PRKN: variants seen among roughly 807,000 people sequenced by gnomAD.
PRKN encodes the protein parkin RBR E3 ubiquitin protein ligase, also known as E3 ubiquitin-protein ligase parkin.
In PRKN, 56 loss-of-function variants were observed where a neutral mutation model predicts 59.5. The ratio of observed to expected loss-of-function variants is 0.94; its 90% CI spans 0.76 to 1.18. PRKN has a LOEUF of 1.18. PRKN is among the 50% of genes most tolerant of loss of function. PRKN has a pLI of 0.00. For synonymous variants in PRKN, 250 were observed against 222.1 expected, an observed-to-expected ratio of 1.13 and a Z score of -1.12; for missense variants, 657 against 596.4, an observed-to-expected ratio of 1.10 and a Z score of -1.06.
rs563191545 is a variant in PRKN, at chr6:161,788,572, G to A, written c.735-2664C>T. Among the ~76,000 whole-genome samples the A allele has an allele frequency of 5.9e-5, 9 of 152,284 alleles. No individual in the cohort carries two copies. In the East Asian group the frequency reaches 1.5e-3, roughly 26 times the overall value. ...CAGGCCACCTCAACCTCCTTGAACT[G>A]AGGATGTCTACCTTGAATAAAAAAT... is the stretch of plus-strand genomic sequence containing the variant. On this transcript the variant is annotated intron_variant, in intron 6 of 11. Coordinates refer to ENST00000366898, the MANE Select transcript of PRKN (RefSeq NM_004562.3).
At chr6:162,384,987 T>C (rs932182870) in intron 2 of PRKN, among the ~76,000 whole-genome samples, 5 of 152,200 alleles carry the variant, frequency 3.3e-5, no homozygotes, top group Non-Finnish European at 5.9e-5. Context: ...CCTATGTTTA[T>C]ATCACAGTAA....
At chr6:161,790,646 A>C (rs1790601901) in intron 6 of PRKN, among the ~76,000 whole-genome samples, 1 of 152,188 alleles carries the variant, frequency 6.6e-6, no homozygotes, top group African/African-American at 2.4e-5. Context: ...TCTATGAACC[A>C]GGAAGTGGGG....
At chr6:161,623,976 T>G (rs1295014628) in intron 7 of PRKN, among the ~76,000 whole-genome samples, 1 of 152,220 alleles carries the variant, frequency 6.6e-6, no homozygotes, top group East Asian at 1.9e-4. Context: ...ACACAACACA[T>G]TAATTTTTCA....
chr6:162,713,866 AG>A, intron 1 of PRKN, among the ~76,000 whole-genome samples: 1 of 152,354 alleles, frequency 6.6e-6, no homozygotes, highest in Middle Eastern at 3.4e-3. Flanking sequence ...CAGATATCAA[AG>A]GCAAATCAGT....
rs1038761535 is a variant in PRKN at position 162,318,913 on chromosome 6, T to C, written c.172-56148A>G. ...AAAAAGAAACTTAAAAATCCAAATA[T>C]AGAATAAACGGTTAAGTGTATTACG... On this transcript the variant is annotated intron_variant, in intron 2 of 11. Transcript: ENST00000366898. 5.3e-5 allele frequency among the ~76,000 whole-genome samples: 8 copies of C among 152,114 alleles called. No homozygotes were observed. In the East Asian group the frequency reaches 9.7e-4, roughly 19 times the overall value.
Position 161,372,825 on chromosome 6 carries a change from ATTTTTT to A in PRKN, c.1168-12626_1168-12621del, listed in dbSNP as rs11293379. 3.1e-4 allele frequency among the ~76,000 whole-genome samples: 36 copies of A among 114,422 alleles called. No homozygotes were observed. The highest frequency in any genetic ancestry group is 5.2e-3 in the Middle Eastern group (1 of 192). 75.1% of individuals were successfully genotyped at this position (114,422 alleles called of 152,430 possible). On this transcript the variant is annotated intron_variant, in intron 10 of 11. Coordinates refer to ENST00000366898, the MANE Select transcript of PRKN (RefSeq NM_004562.3). The surrounding 1 kb of genome is among the most constrained non-coding windows in gnomAD (Gnocchi z 4.2). ...TGGTCAACAAAGACAGAGAGACCCT[ATTTTTT>A]TTTTTTTTTTTTTTTTGAGACAGGG... is the stretch of plus-strand genomic sequence containing the variant.
rs535562652 is a variant in PRKN, at chr6:161,428,873, G to A, written c.1084-41996C>T. ...GCCACCCTGCCAGTGTTTCAAGCAG[G>A]CCTCTATCATGTGCTGACCTATGGC... On this transcript the variant is annotated intron_variant, in intron 9 of 11. Transcript: ENST00000366898. The surrounding 1 kb of genome is among the most constrained non-coding windows in gnomAD (Gnocchi z 4.0). Among the ~76,000 whole-genome samples the A allele has an allele frequency of 3.4e-4, 52 of 152,278 alleles. No individual in the cohort carries two copies. In the Middle Eastern group the frequency reaches 0.01, roughly 30 times the overall value.
chr6:162,614,656 C>A (rs1415609525), intron 1 of PRKN, among the ~76,000 whole-genome samples: 1 of 152,154 alleles, frequency 6.6e-6, no homozygotes, highest in Non-Finnish European at 1.5e-5. Context: ...AGGCACTAGA[C>A]TCTACTAGGC....
chr6:161,945,783 A>T (rs1779754928), intron 6 of PRKN, among the ~76,000 whole-genome samples: 1 of 152,212 alleles, frequency 6.6e-6, no homozygotes, highest in Non-Finnish European at 1.5e-5. Context: ...GAAGCTAGAC[A>T]TGACAGTTTC....
intron 7 of PRKN, among the ~76,000 whole-genome samples, chr6:161,656,615 G>A (rs949693868): frequency 1.3e-5 from 2 of 152,106 alleles, no homozygotes; most frequent in Non-Finnish European, 2.9e-5. Flanking sequence ...GCATCTCAAC[G>A]AGGATGATTC....
intron 2 of PRKN, among the ~76,000 whole-genome samples, chr6:162,390,060 T>C (rs1423504983): frequency 1.3e-5 from 2 of 152,140 alleles, no homozygotes; most frequent in African/African-American, 4.8e-5. Flanking sequence ...ATCATTAACC[T>C]AATAATGTTG....
At chr6:162,283,266 A>C (rs1386829413) in intron 2 of PRKN, among the ~76,000 whole-genome samples, 1 of 152,170 alleles carries the variant, frequency 6.6e-6, no homozygotes, top group Non-Finnish European at 1.5e-5. Flanking sequence ...AACTTTTATT[A>C]TCTTTATGCC....
chr6:161,644,145 T>G (rs1783841697), intron 7 of PRKN, among the ~76,000 whole-genome samples: 1 of 152,182 alleles, frequency 6.6e-6, no homozygotes, highest in African/African-American at 2.4e-5. Flanking sequence ...GGGTTCTAAC[T>G]CTTGGCTGTG....
intron 4 of PRKN, among the ~76,000 whole-genome samples, chr6:162,186,139 A>G (rs1784020312): frequency 6.6e-6 from 1 of 152,154 alleles, no homozygotes; most frequent in Admixed American, 6.5e-5. Context: ...AATGTGTGTG[A>G]AAATACTTTT....
At chr6:162,239,839 C>A (rs1778910526) in intron 3 of PRKN, among the ~76,000 whole-genome samples, 2 of 151,536 alleles carry the variant, frequency 1.3e-5, no homozygotes, top group African/African-American at 4.8e-5. Flanking sequence ...TTGGTCCAAT[C>A]ACTACTCTAT....
At chr6:161,805,452 GCACACA>G (rs1554310490) in intron 6 of PRKN, among the ~76,000 whole-genome samples, 4,932 of 39,112 alleles carry the variant, frequency 0.13, 288 homozygotes, top group African/African-American at 0.2. Flanking sequence ...GTACACACAT[GCACACA>G]CACACACACA....
At chr6:161,611,372 T>C (rs1782483256) in intron 7 of PRKN, among the ~76,000 whole-genome samples, 1 of 152,224 alleles carries the variant, frequency 6.6e-6, no homozygotes, top group Non-Finnish European at 1.5e-5. Context: ...GCATTGAAGG[T>C]TTATGGCAAC....
rs1446634542 is a variant in PRKN, at chr6:162,023,504, G to A, written c.618+30587C>T. On this transcript the variant is annotated intron_variant, in intron 5 of 11. Coordinates refer to ENST00000366898, the MANE Select transcript of PRKN (RefSeq NM_004562.3). ...TCCGACCGCCCCAGCCAAACTCCAC[G>A]TGGTTCTGCTGGTCGCCTGCCGGTG... Among the ~76,000 whole-genome samples the A allele has an allele frequency of 2.6e-5, 4 of 152,182 alleles. No homozygotes were observed. The East Asian group carries it at 7.8e-4, about 30-fold the overall frequency.
chr6:161,771,367 A>AAAAT (rs1562670760), intron 7 of PRKN, among the ~76,000 whole-genome samples: 1 of 82,746 alleles, frequency 1.2e-5, no homozygotes, highest in South Asian at 5.6e-4. Flanking sequence ...AAAAAAAAAA[A>AAAAT]AAAATAAAAT....
Sources: gnomAD v4.1 joint callset for allele counts (sites outside exome capture counted in the v4.1 genomes callset) on GRCh38, gnomAD v4.1.1 for gene constraint, Gnocchi (gnomAD v3.1) non-coding constraint, MANE v1.5 for transcripts, NCBI Gene and HGNC (gene_info 2026-07-23, HGNC 2026-07-21) for gene names.